Variants in TLE4 observed in about 807,000 individuals in gnomAD.
TLE4 encodes the protein TLE family member 4, transcriptional corepressor, also known as transducin-like enhancer protein 4.
In TLE4, 8 loss-of-function variants were observed where a neutral mutation model predicts 92.8. The ratio of observed to expected loss-of-function variants is 0.09; its 90% CI spans 0.05 to 0.16. TLE4 has a LOEUF of 0.16. Among genes scored for constraint, TLE4 ranks in the 10% least tolerant of loss-of-function variants. The pLI, the probability that TLE4 is intolerant of heterozygous loss-of-function variation, is 1.00. For synonymous variants in TLE4, 371 were observed against 374.1 expected (o/e 0.99, Z 0.10); for missense variants, 675 against 997.6 (o/e 0.68, Z 4.36).
chr9:79,705,527 A>T (rs2071295172), intron 9 of TLE4, among the ~76,000 whole-genome samples: 2 of 152,204 alleles, frequency 1.3e-5, no homozygotes, highest in African/African-American at 2.4e-5. Context: ...GCAGTTTTTT[A>T]AAATACCAAC....
chr9:79,578,191 A>T (rs930803473), intron 4 of TLE4, among the ~76,000 whole-genome samples: 5 of 152,162 alleles, frequency 3.3e-5, no homozygotes, highest in Admixed American at 1.3e-4. Flanking sequence ...TACTCGCTGG[A>T]TACCCTTGTA....
intron 6 of TLE4, among the ~76,000 whole-genome samples, chr9:79,633,613 A>G (rs948456955): frequency 4.6e-5 from 7 of 152,130 alleles, no homozygotes; most frequent in Non-Finnish European, 8.8e-5. Context: ...GAATGGTTAT[A>G]TAGAAAAACA....
chr9:79,604,406 G>C (rs1169527831), intron 4 of TLE4, among the ~76,000 whole-genome samples: 1 of 152,128 alleles, frequency 6.6e-6, no homozygotes, highest in Non-Finnish European at 1.5e-5. Context: ...ACAGGAAAAG[G>C]CCAAAACTTG....
chr9:79,592,055 A>G (rs1463353350), intron 4 of TLE4, among the ~76,000 whole-genome samples: 2 of 152,128 alleles, frequency 1.3e-5, no homozygotes, highest in Non-Finnish European at 2.9e-5. Context: ...CATGTGTTTT[A>G]GGAACTATTT....
chr9:79,691,091 A>C (rs537855944), intron 8 of TLE4, among the ~76,000 whole-genome samples: 1 of 152,228 alleles, frequency 6.6e-6, no homozygotes, highest in South Asian at 2.1e-4. Context: ...CTAATGTCTC[A>C]GATTCATCCT....
intron 5 of TLE4, among the ~76,000 whole-genome samples, chr9:79,625,202 G>A (rs1587455546): frequency 6.6e-6 from 1 of 150,772 alleles, no homozygotes; most frequent in Admixed American, 6.6e-5. Flanking sequence ...TGTATTTTTA[G>A]TAGAGACGGG....
chr9:79,686,006 A>T (rs185530233), intron 8 of TLE4, among the ~76,000 whole-genome samples: 1 of 152,348 alleles, frequency 6.6e-6, no homozygotes, highest in Admixed American at 6.5e-5. Context: ...TCAAATAAAA[A>T]TACAGCATGT....
In TLE4 at chr9:79,722,492, A is replaced by C. The variant is rs34566811; in HGVS notation, c.2028A>C (p.Ala676=). The stretch of plus-strand genomic sequence containing the variant: ...ACTGCCCAACTGGAGAGTGGCTTGC[A>C]GTGGGGATGGAGAACAGCAATGTGG... ...LGYCPTGEWL[A]VGMENSNVEV... is the part of the protein sequence containing the mutation. The change falls in exon 18 of 20, where the codon GCA becomes GCC. Residue 676 remains alanine, a synonymous_variant. Coordinates refer to ENST00000376552, the MANE Select transcript of TLE4 (RefSeq NM_007005.6). 1.9e-3 allele frequency: 3,066 copies of C among 1,614,204 alleles called. 52 individuals carry two copies. The African/African-American group carries it at 0.035, about 19-fold the overall frequency.
Position 79,652,904 on chromosome 9 carries a change from C to T in TLE4, c.592+110C>T, listed in dbSNP as rs756713007. 4 of 1,146,808 alleles carry T rather than the reference C, an allele frequency of 3.5e-6. No individual in the cohort carries two copies. In the African/African-American group the frequency reaches 4.5e-5, roughly 13 times the overall value. 71.0% of individuals were successfully genotyped at this position (1,146,808 alleles called of 1,614,324 possible). On this transcript the variant is annotated intron_variant, in intron 7 of 19. Coordinates refer to ENST00000376552, the MANE Select transcript of TLE4 (RefSeq NM_007005.6). Reference sequence around the variant, plus strand: ...GAATTTAGTTTTACCAGTGACTAAACAAAGGATTTCCACTGGAAGGTAAAT... The same window carrying T: ...GAATTTAGTTTTACCAGTGACTAAATAAAGGATTTCCACTGGAAGGTAAAT...
rs564062773 is a variant in TLE4, at chr9:79,652,249, C to T, written c.391-344C>T. On this transcript the variant is annotated intron_variant, in intron 6 of 19. Transcript: ENST00000376552. ...TCGCCCAGGCTGGAGTGCAGTGGCACGAACTCGGCTCACTGCAAGCTCCAC... is the reference window on the plus strand; with the variant it reads ...TCGCCCAGGCTGGAGTGCAGTGGCATGAACTCGGCTCACTGCAAGCTCCAC... Among the ~76,000 whole-genome samples the T allele has an allele frequency of 8.6e-4, 130 of 151,850 alleles. 4 individuals are homozygous for T. The South Asian group carries it at 0.026, about 30-fold the overall frequency.
intron 4 of TLE4, 81 bp from the exon 5 acceptor site, chr9:79,612,575 A>C: frequency 8.1e-7 from 1 of 1,241,174 alleles, no homozygotes. Context: ...GTATGTTTTA[A>C]TATCATCCTG....
At chr9:79,635,727 CTG>C in intron 6 of TLE4, among the ~76,000 whole-genome samples, 1 of 152,248 alleles carries the variant, frequency 6.6e-6, no homozygotes, top group South Asian at 2.1e-4. Context: ...CTCCAATCAA[CTG>C]TTGCCGTCTC....
intron 4 of TLE4, among the ~76,000 whole-genome samples, chr9:79,583,439 G>A (rs150843602): frequency 6.4e-4 from 98 of 152,192 alleles, no homozygotes; most frequent in African/African-American, 2.1e-3. Context: ...CAGCTTCTGC[G>A]TTTCACGGAA....
chr9:79,603,588 A>G (rs995414312), intron 4 of TLE4, among the ~76,000 whole-genome samples: 7 of 152,152 alleles, frequency 4.6e-5, no homozygotes, highest in Admixed American at 6.5e-5. Context: ...TGTTTGTACT[A>G]TACTGTAGTA....
intron 8 of TLE4, among the ~76,000 whole-genome samples, chr9:79,702,796 AC>A (rs1434730079): frequency 6.6e-6 from 1 of 152,130 alleles, no homozygotes; most frequent in African/African-American, 2.4e-5. Flanking sequence ...CCAAACTCCC[AC>A]CTGCACATCT....
chr9:79,677,319 C>A (rs988961917), intron 8 of TLE4, among the ~76,000 whole-genome samples: 1 of 152,052 alleles, frequency 6.6e-6, no homozygotes, highest in Non-Finnish European at 1.5e-5. Flanking sequence ...AGTTCGTGGC[C>A]TCTGTATGAT....
At chr9:79,637,013 A>G (rs1486099269) in intron 6 of TLE4, among the ~76,000 whole-genome samples, 1 of 116,330 alleles carries the variant, frequency 8.6e-6, no homozygotes, top group Non-Finnish European at 1.7e-5. Flanking sequence ...GAAAATATAC[A>G]GTTCTGGGTT....
Position 79,666,775 on chromosome 9 carries a change from A to G in TLE4, c.609+12700A>G, listed in dbSNP as rs1411313825. Among the ~76,000 whole-genome samples, 4 of 152,218 alleles carry G rather than the reference A, an allele frequency of 2.6e-5. No individual in the cohort carries two copies. The South Asian group carries it at 6.2e-4, about 24-fold the overall frequency. On this transcript the variant is annotated intron_variant, in intron 8 of 19. Transcript: ENST00000376552. ...TGTTTTCTTAGACACACAACATTACATGGAAACATTTGGTGATTGCAGTGG... is the reference window on the plus strand; with the variant it reads ...TGTTTTCTTAGACACACAACATTACGTGGAAACATTTGGTGATTGCAGTGG...
At chr9:79,611,988 C>T (rs1278697333) in intron 4 of TLE4, among the ~76,000 whole-genome samples, 2 of 139,674 alleles carry the variant, frequency 1.4e-5, no homozygotes, top group Non-Finnish European at 3.1e-5. Flanking sequence ...CAGATACATA[C>T]AGATTGCTTC....
Sources: gnomAD v4.1 joint callset for allele counts (sites outside exome capture counted in the v4.1 genomes callset) on GRCh38, gnomAD v4.1.1 for gene constraint, MANE v1.5 for transcripts, NCBI Gene and HGNC (gene_info 2026-07-23, HGNC 2026-07-21) for gene names.